Variants in CELF2 observed in about 807,000 individuals in gnomAD.
CELF2 encodes CUG triplet repeat RNA-binding protein 2.
A neutral mutation model predicts 62.6 loss-of-function variants in CELF2; 8 were observed. The ratio of observed to expected loss-of-function variants is 0.13; its 90% confidence interval spans 0.07 to 0.23. The LOEUF is 0.23. Among genes scored for constraint, CELF2 ranks in the 10% least tolerant of loss-of-function variants. The pLI, the probability that CELF2 is intolerant of heterozygous loss-of-function variation, is 1.00. For synonymous variants in CELF2, 258 were observed against 250.0 expected (o/e 1.03, Z -0.30); for missense variants, 333 against 671.0 (o/e 0.50, Z 5.56).
the CELF2 span, among the ~76,000 whole-genome samples, chr10:10,606,892 T>A: frequency 6.6e-6 from 1 of 152,186 alleles, no homozygotes; most frequent in Non-Finnish European, 1.5e-5. Context: ...GGACTTAGAC[T>A]AGATATGTTA....
At chr10:10,589,594 G>A in the CELF2 span, among the ~76,000 whole-genome samples, 4 of 152,246 alleles carry the variant, frequency 2.6e-5, no homozygotes, top group East Asian at 7.7e-4. Context: ...CCCCATTTGA[G>A]AGAATGTGAA....
chr10:10,799,156 T>G (rs1564636642), intron 1 of CELF2, among the ~76,000 whole-genome samples: 1 of 152,164 alleles, frequency 6.6e-6, no homozygotes, highest in Non-Finnish European at 1.5e-5. Context: ...TGAGGTGGAA[T>G]GTGGTCAACT....
At chr10:11,090,727 A>G (rs1186819710) in intron 1 of CELF2, among the ~76,000 whole-genome samples, 1 of 152,208 alleles carries the variant, frequency 6.6e-6, no homozygotes, top group Non-Finnish European at 1.5e-5. Context: ...AAGGCTAATA[A>G]TTACTGATTA....
In CELF2 at chr10:11,257,849, G is replaced by A; in HGVS notation, c.515G>A (p.Arg172Gln). 3.1e-6 allele frequency: 5 copies of A among 1,614,172 alleles called. No homozygotes were observed. The highest frequency in any genetic ancestry group is 4.2e-6 in the Non-Finnish European group (5 of 1,180,030). The change falls in exon 5 of 13, where the codon CGG becomes CAG. Residue 172 changes from arginine to glutamine, a missense_variant. Arg to Gln is a conservative substitution (Grantham distance 43). This residue lies in a region of CELF2 where 253 missense variants were observed against 503.0 expected (regional missense o/e 0.50). Coordinates refer to ENST00000633077, the MANE Select transcript of CELF2 (RefSeq NM_001326342.2). ...FGQIEECRIL[R>Q]GPDGLSRGCA... ...CAGATAGAAGAATGCCGGATCCTCC[G>A]GGGACCTGATGGGCTGAGTCGAGGT...
At chr10:10,759,085 T>G in the CELF2 span, among the ~76,000 whole-genome samples, 21 of 152,312 alleles carry the variant, frequency 1.4e-4, no homozygotes, top group Admixed American at 7.8e-4. Context: ...AATCAATGAT[T>G]GCTTTGTAAC....
At chr10:10,988,944 C>T (rs1401968955) in intron 2 of CELF2, among the ~76,000 whole-genome samples, 2 of 151,810 alleles carry the variant, frequency 1.3e-5, no homozygotes, top group Non-Finnish European at 2.9e-5. Flanking sequence ...TAAATATAAA[C>T]ATAAAAAGTG....
In CELF2 at chr10:11,165,734, C is replaced by A. The variant is rs1430387844; in HGVS notation, c.271+52C>A. On this transcript the variant is annotated intron_variant, in intron 2 of 12. Coordinates refer to ENST00000633077, the MANE Select transcript of CELF2 (RefSeq NM_001326342.2). The surrounding 1 kb of genome is among the most constrained non-coding windows in gnomAD (Gnocchi z 7.4). ...AGGCGTCCAGGTGGGCGTCGCGGGG[C>A]ACTGGGGCTGTCCGAGCCCCCAGCC... 2.6e-6 allele frequency: 4 copies of A among 1,519,524 alleles called. No homozygotes were observed. The South Asian group carries it at 3.5e-5, about 13-fold the overall frequency. 94.1% of individuals were successfully genotyped at this position (1,519,524 alleles called of 1,614,324 possible). A position where few individuals can be genotyped will look rare whatever the true frequency, so the allele number is the denominator to read the frequency against.
intron 1 of CELF2, among the ~76,000 whole-genome samples, chr10:10,809,120 T>C (rs2055561309): frequency 6.6e-6 from 1 of 152,124 alleles, no homozygotes; most frequent in Admixed American, 6.5e-5. Context: ...ACGGGATTAG[T>C]ATCCTTAAAA....
the CELF2 span, among the ~76,000 whole-genome samples, chr10:10,731,478 A>G: frequency 6.6e-6 from 1 of 152,242 alleles, no homozygotes; most frequent in African/African-American, 2.4e-5. Context: ...ATGGAAAGAA[A>G]CTAGAATCTA....
intron 1 of CELF2, among the ~76,000 whole-genome samples, chr10:11,055,833 C>T (rs1355361988): frequency 6.6e-6 from 1 of 152,186 alleles, no homozygotes; most frequent in Non-Finnish European, 1.5e-5. Context: ...CCCCATCTAG[C>T]CATTTCTAAA....
At chr10:10,932,240 G>T (rs2066148934) in intron 2 of CELF2, among the ~76,000 whole-genome samples, 1 of 152,142 alleles carries the variant, frequency 6.6e-6, no homozygotes, top group African/African-American at 2.4e-5. Flanking sequence ...GAGTAGCATG[G>T]GGGCTGGACA....
At chr10:10,700,217 A>T in the CELF2 span, among the ~76,000 whole-genome samples, 2 of 152,198 alleles carry the variant, frequency 1.3e-5, no homozygotes, top group African/African-American at 4.8e-5. Context: ...GAGGCAGAAT[A>T]AGAGACCCAA....
At chr10:10,686,600 T>C in the CELF2 span, among the ~76,000 whole-genome samples, 2,436 of 152,148 alleles carry the variant, frequency 0.016, 60 homozygotes, top group African/African-American at 0.056. Context: ...AGTGAGTGAG[T>C]TCTCATGAGA....
chr10:10,736,399 T>TCTTTCTTTCTTTCTTTCTTTCTTTCTTTC, the CELF2 span, among the ~76,000 whole-genome samples: 1 of 141,406 alleles, frequency 7.1e-6, no homozygotes, highest in Non-Finnish European at 1.5e-5. Flanking sequence ...TTTCTTTCTT[T>TCTTTCTTTCTTTCTTTCTTTCTTTCTTTC]TTTTTTTTTT....
the CELF2 span, among the ~76,000 whole-genome samples, chr10:10,491,912 G>A: frequency 1.3e-5 from 2 of 152,122 alleles, no homozygotes; most frequent in East Asian, 3.9e-4. Context: ...TCTTATACAT[G>A]AGATCCTTTT....
the CELF2 span, among the ~76,000 whole-genome samples, chr10:10,533,669 C>T: frequency 6.6e-5 from 10 of 152,288 alleles, no homozygotes; most frequent in Non-Finnish European, 1.5e-5. Context: ...AAGGAATCCT[C>T]GCACATTAGG....
rs765989407 is a variant in CELF2, at chr10:11,165,543, A to G, written c.132A>G (p.Pro44=). ...GALDHSDQPD[P]DAIKMFVGQI... is the part of the protein sequence containing the mutation. ...TGGATCACTCAGACCAACCAGACCC[A>G]GATGCCATTAAGATGTTTGTCGGAC... is the stretch of plus-strand genomic sequence containing the variant. The change falls in exon 2 of 13, where the codon CCA becomes CCG. Residue 44 remains proline (P), a synonymous_variant. Coordinates refer to ENST00000633077, the MANE Select transcript of CELF2 (RefSeq NM_001326342.2). This position sits in a 1 kb window ranked among gnomAD's most constrained non-coding sequence, Gnocchi z 7.4. The G allele has an allele frequency of 6.2e-7, 1 of 1,614,216 alleles. No homozygotes were observed.
At chr10:11,248,822 A>G (rs1589809657) in intron 3 of CELF2, among the ~76,000 whole-genome samples, 1 of 152,244 alleles carries the variant, frequency 6.6e-6, no homozygotes, top group Non-Finnish European at 1.5e-5. Flanking sequence ...TCGAGATTGC[A>G]TGGCTGTAAT....
chr10:10,880,911 T>C (rs549683165), intron 1 of CELF2, among the ~76,000 whole-genome samples: 1 of 152,212 alleles, frequency 6.6e-6, no homozygotes, highest in African/African-American at 2.4e-5. Context: ...AAAAGTCTTA[T>C]GTACTCAAAG....
Sources: gnomAD v4.1 joint callset for allele counts (sites outside exome capture counted in the v4.1 genomes callset) on GRCh38, gnomAD v4.1.1 for gene constraint, gnomAD v4.1.1 regional missense constraint, Gnocchi (gnomAD v3.1) non-coding constraint, MANE v1.5 for transcripts, NCBI Gene and HGNC (gene_info 2026-07-23, HGNC 2026-07-21) for gene names.